Variants in GRB2 observed in about 807,000 individuals in gnomAD.
The protein encoded by GRB2 is growth factor receptor-bound protein 2.
GRB2 carries 2 observed loss-of-function variants against 27.4 expected under a neutral mutation model. The ratio of observed to expected loss-of-function variants is 0.07; its 90% CI spans 0.03 to 0.23. The LOEUF (loss-of-function observed/expected upper bound fraction) is 0.23, where lower values mean the gene tolerates loss of function less well. GRB2 is among the 10% of genes least tolerant of loss of function. The probability of loss-of-function intolerance (pLI) is 1.00; values close to 1 mark genes in which losing one functional copy is unlikely to be tolerated. For missense variants in GRB2, 102 were observed against 282.4 expected (o/e 0.36, Z 4.58); for synonymous variants, 94 against 99.6 (o/e 0.94, Z 0.33).
chr17:75,364,370 A>C (rs1355049980), intron 2 of GRB2, among the ~76,000 whole-genome samples: 1 of 152,212 alleles, frequency 6.6e-6, no homozygotes, highest in South Asian at 2.1e-4. Context: ...TTTATTATGT[A>C]CCAGAATTCA....
At chr17:75,383,685 T>C (rs951670914) in intron 2 of GRB2, among the ~76,000 whole-genome samples, 2 of 151,846 alleles carry the variant, frequency 1.3e-5, no homozygotes, top group African/African-American at 2.4e-5. Flanking sequence ...CTACTAAAAA[T>C]ACAAAAATTA....
chr17:75,344,558 A>C (rs1443743126), intron 2 of GRB2: 1 of 151,896 alleles, frequency 6.6e-6, no homozygotes, highest in Non-Finnish European at 1.5e-5. Context: ...AAGCTGGCTA[A>C]TTTCTATATT....
chr17:75,335,143 G>A (rs1327825948), intron 2 of GRB2, among the ~76,000 whole-genome samples: 1 of 152,124 alleles, frequency 6.6e-6, no homozygotes, highest in African/African-American at 2.4e-5. Context: ...ACTGGCCGCA[G>A]GTAAGGGGGG....
chr17:75,328,550 G>C (rs1283376812), intron 3 of GRB2, among the ~76,000 whole-genome samples: 1 of 152,198 alleles, frequency 6.6e-6, no homozygotes, highest in Non-Finnish European at 1.5e-5. Flanking sequence ...TGAGGCAGGA[G>C]AATCGCTTGA....
chr17:75,380,535 C>A (rs926747232), intron 2 of GRB2, among the ~76,000 whole-genome samples: 8 of 152,166 alleles, frequency 5.3e-5, no homozygotes, highest in Non-Finnish European at 1.2e-4. Context: ...CTCAGCAGAG[C>A]CTCCTGGCTT....
At chr17:75,325,089 A>G (rs2078489886) in intron 4 of GRB2, among the ~76,000 whole-genome samples, 2 of 152,192 alleles carry the variant, frequency 1.3e-5, no homozygotes, top group South Asian at 4.1e-4. Context: ...ATAAGTAAAT[A>G]AAATAAAAGG....
chr17:75,348,242 C>T (rs2078667224), intron 2 of GRB2, among the ~76,000 whole-genome samples: 1 of 152,168 alleles, frequency 6.6e-6, no homozygotes, highest in South Asian at 2.1e-4. Context: ...GGCAGGGTCT[C>T]ACCATGTTGC....
At chr17:75,357,568 A>G (rs1169918845) in intron 2 of GRB2, among the ~76,000 whole-genome samples, 1 of 152,186 alleles carries the variant, frequency 6.6e-6, no homozygotes, top group East Asian at 1.9e-4. Context: ...AAATCCTTCA[A>G]TGGCCCAAAT....
chr17:75,360,057 G>C (rs2078769385), intron 2 of GRB2, among the ~76,000 whole-genome samples: 1 of 151,950 alleles, frequency 6.6e-6, no homozygotes. Context: ...TGAGGTGGGA[G>C]GATTGCTTGA....
chr17:75,328,114 A>T (rs9910601), intron 3 of GRB2, among the ~76,000 whole-genome samples: 7 of 151,578 alleles, frequency 4.6e-5, no homozygotes, highest in Non-Finnish European at 1.0e-4. Context: ...ACTTGAGGTC[A>T]GGAGTTTGAG....
intron 2 of GRB2, among the ~76,000 whole-genome samples, chr17:75,343,029 G>A (rs992088484): frequency 7.8e-5 from 7 of 89,236 alleles, no homozygotes; most frequent in Non-Finnish European, 1.3e-4. Flanking sequence ...CGGCCTGGGT[G>A]ACAGAGAGAA....
chr17:75,329,609 G>A (rs2078525544), intron 3 of GRB2, among the ~76,000 whole-genome samples: 1 of 152,106 alleles, frequency 6.6e-6, no homozygotes, highest in African/African-American at 2.4e-5. Flanking sequence ...AAAAAATCTG[G>A]CACCAGGTGC....
At chr17:75,364,139 A>G (rs1212552175) in intron 2 of GRB2, among the ~76,000 whole-genome samples, 1 of 152,050 alleles carries the variant, frequency 6.6e-6, no homozygotes, top group African/African-American at 2.4e-5. Flanking sequence ...AAAATATTCT[A>G]TCTCCCATAT....
chr17:75,359,924 T>C (rs1217019179), intron 2 of GRB2, among the ~76,000 whole-genome samples: 1 of 151,938 alleles, frequency 6.6e-6, no homozygotes, highest in East Asian at 1.9e-4. Flanking sequence ...TGACTTGTCT[T>C]GGAAAGATAA....
chr17:75,380,056 T>C (rs1294175957), intron 2 of GRB2, among the ~76,000 whole-genome samples: 1 of 152,252 alleles, frequency 6.6e-6, no homozygotes, highest in African/African-American at 2.4e-5. Context: ...TGTTTATTCG[T>C]AGAGAAAACA....
At chr17:75,347,135 C>T (rs944922556) in intron 2 of GRB2, among the ~76,000 whole-genome samples, 7 of 152,182 alleles carry the variant, frequency 4.6e-5, no homozygotes, top group Non-Finnish European at 7.4e-5. Flanking sequence ...TGATTACCAG[C>T]TGTGGACACT....
At chr17:75,386,112 T>C (rs1261987053) in intron 2 of GRB2, among the ~76,000 whole-genome samples, 1 of 152,182 alleles carries the variant, frequency 6.6e-6, no homozygotes, top group Non-Finnish European at 1.5e-5. Context: ...TATGAGTTTC[T>C]TAGAATAAAT....
chr17:75,337,093 T>C lies in GRB2; in HGVS notation c.79-4296A>G, dbSNP rs144213766. ...ACGATTTTGGTTATCTGGAAAATTC[T>C]AGTATCCAGAATATCACGTTATCAG... On this transcript the variant is annotated intron_variant, in intron 2 of 5. Coordinates refer to ENST00000316804, the MANE Select transcript of GRB2 (RefSeq NM_002086.5). Among the ~76,000 whole-genome samples, 36 of 152,348 alleles carry C rather than the reference T, an allele frequency of 2.4e-4. No individual in the cohort carries two copies. The East Asian group carries it at 3.5e-3, about 15-fold the overall frequency.
intron 2 of GRB2, among the ~76,000 whole-genome samples, chr17:75,350,609 A>G (rs978981377): frequency 2.6e-5 from 4 of 152,058 alleles, no homozygotes; most frequent in Non-Finnish European, 4.4e-5. Context: ...CTCCTGCCTC[A>G]ACCTCCCAAA....
Sources: gnomAD v4.1 joint callset for allele counts (sites outside exome capture counted in the v4.1 genomes callset) on GRCh38, gnomAD v4.1.1 for gene constraint, MANE v1.5 for transcripts, NCBI Gene and HGNC (gene_info 2026-07-23, HGNC 2026-07-21) for gene names.